The following PRELID3A variants were observed in gnomAD, a reference collection of about 807,000 sequenced individuals.
The protein encoded by PRELID3A is PRELI domain containing protein 3A.
In PRELID3A, 27 loss-of-function variants were observed where a neutral mutation model predicts 23.0. The observed-to-expected ratio is 1.17, with a 90% CI of 0.87 to 1.62. PRELID3A has a LOEUF of 1.62. Ranked by LOEUF, PRELID3A falls within the 40% of genes most tolerant of loss-of-function variation. PRELID3A has a pLI of 0.00. For missense variants in PRELID3A, 231 were observed against 231.4 expected (o/e 1.00, Z 0.01); for synonymous variants, 87 against 86.4 (o/e 1.01, Z -0.04).
chr18:12,429,890 T>A (rs1217081078), intron 6 of PRELID3A, among the ~76,000 whole-genome samples: 31 of 152,256 alleles, frequency 2.0e-4, no homozygotes, highest in Admixed American at 2.0e-3. Context: ...GCCGGCCATT[T>A]CCTTTTAGCA....
rs1205086353 is a variant in PRELID3A, at chr18:12,407,958, C to T, written c.-18C>T. The T allele has an allele frequency of 7.7e-7, 1 of 1,293,834 alleles. No homozygotes were observed. Among genetic ancestry groups the T allele is most frequent in the South Asian group, 2.5e-5 (1 of 40,078 alleles). 80.1% of individuals were successfully genotyped at this position (1,293,834 alleles called of 1,614,324 possible). ...CACCCGGCCCGGATCGCAGAGCCCG[C>T]GCCCTGCGCCGGCGGCAATGAAGAT... On this transcript the variant is annotated 5_prime_UTR_variant, in exon 1 of 7. Coordinates refer to ENST00000440960, the MANE Select transcript of PRELID3A (RefSeq NM_001142405.2).
At chr18:12,429,088 G>T (rs1479182044) in intron 5 of PRELID3A, among the ~76,000 whole-genome samples, 1 of 152,168 alleles carries the variant, frequency 6.6e-6, no homozygotes, top group East Asian at 1.9e-4. Flanking sequence ...GATTTGGGAG[G>T]TGAGGGACAG....
chr18:12,422,709 T>G (rs1221022116), intron 3 of PRELID3A, among the ~76,000 whole-genome samples: 1 of 152,128 alleles, frequency 6.6e-6, no homozygotes, highest in Non-Finnish European at 1.5e-5. Context: ...CTCACTTCTC[T>G]CAATTAAAAA....
At chr18:12,411,327 G>C (rs143914862) in intron 1 of PRELID3A, among the ~76,000 whole-genome samples, 10,687 of 151,560 alleles carry the variant, frequency 0.071, 1,257 homozygotes, top group African/African-American at 0.24. Flanking sequence ...TTAGCTGGGC[G>C]TGGTGGCGGG....
At chr18:12,417,253 A>G (rs2029990367) in intron 1 of PRELID3A, among the ~76,000 whole-genome samples, 2 of 152,018 alleles carry the variant, frequency 1.3e-5, no homozygotes, top group African/African-American at 2.4e-5. Context: ...GGCTCACTGC[A>G]ACTTCCACCT....
At chr18:12,414,330 T>A (rs2029883225) in intron 1 of PRELID3A, among the ~76,000 whole-genome samples, 1 of 152,238 alleles carries the variant, frequency 6.6e-6, no homozygotes, top group South Asian at 2.1e-4. Flanking sequence ...AGGACTGCGG[T>A]GACCACATGC....
Position 12,407,990 on chromosome 18 carries a change from C to T in PRELID3A, c.15C>T (p.Ser5=). MKIW[S]SEHVFGHPWD... is the part of the protein sequence containing the mutation. ...CGCCGGCGGCAATGAAGATCTGGAG[C>T]TCGGAGCACGTGTTTGGGTGAGGCC... Residue 5 remains serine (S), a synonymous_variant, in exon 1 of 7, where the codon AGC becomes AGT. Coordinates refer to ENST00000440960, the MANE Select transcript of PRELID3A (RefSeq NM_001142405.2). 7.7e-7 allele frequency: 1 copy of T among 1,300,048 alleles called. No individual in the cohort carries two copies. 80.5% of individuals were successfully genotyped at this position (1,300,048 alleles called of 1,614,324 possible).
In PRELID3A at chr18:12,407,938, G is replaced by A. The variant is rs762427691; in HGVS notation, c.-38G>A. Reference sequence around the variant, plus strand: ...CGGAGCCGCGCGGCCCGAAGCACCCGGCCCGGATCGCAGAGCCCGCGCCCT... The same window carrying A: ...CGGAGCCGCGCGGCCCGAAGCACCCAGCCCGGATCGCAGAGCCCGCGCCCT... On this transcript the variant is annotated 5_prime_UTR_variant, in exon 1 of 7. Transcript: ENST00000440960. 35 of 1,288,104 alleles carry A rather than the reference G, an allele frequency of 2.7e-5. No individual in the cohort carries two copies. Among genetic ancestry groups the A allele is most frequent in the Middle Eastern group, 5.9e-4 (2 of 3,378 alleles). 79.8% of individuals were successfully genotyped at this position (1,288,104 alleles called of 1,614,324 possible).
intron 3 of PRELID3A, among the ~76,000 whole-genome samples, chr18:12,423,162 C>T (rs1278641822): frequency 6.6e-6 from 1 of 152,044 alleles, no homozygotes; most frequent in African/African-American, 2.4e-5. Flanking sequence ...TAGAGAGCCA[C>T]AAACAGATGG....
At chr18:12,411,305 A>T (rs1362656681) in intron 1 of PRELID3A, among the ~76,000 whole-genome samples, 7 of 151,714 alleles carry the variant, frequency 4.6e-5, no homozygotes, top group Non-Finnish European at 1.0e-4. Flanking sequence ...AAAAAATAAA[A>T]AAAAAAAAAA....
intron 2 of PRELID3A, chr18:12,421,279 C>T: frequency 2.2e-6 from 1 of 458,156 alleles, no homozygotes; most frequent in Non-Finnish European, 3.9e-6. Context: ...CTCCTAGCTC[C>T]ACTGCCCGCA....
chr18:12,414,134 C>T (rs139780144), intron 1 of PRELID3A, among the ~76,000 whole-genome samples: 2 of 152,186 alleles, frequency 1.3e-5, no homozygotes, highest in Non-Finnish European at 2.9e-5. Flanking sequence ...GCCCCCCAGA[C>T]ACCCCAGAGT....
chr18:12,418,210 A>G (rs2030024917), intron 1 of PRELID3A, among the ~76,000 whole-genome samples: 3 of 152,234 alleles, frequency 2.0e-5, no homozygotes, highest in Non-Finnish European at 2.9e-5. Flanking sequence ...AGAATTAGAT[A>G]TGTTGAAAGA....
chr18:12,428,525 A>G (rs1001361381), intron 5 of PRELID3A, among the ~76,000 whole-genome samples: 2 of 151,966 alleles, frequency 1.3e-5, no homozygotes, highest in South Asian at 2.1e-4. Context: ...TCCCTTTCCA[A>G]TGTCCTTCCA....
chr18:12,418,916 C>T (rs918770452), intron 1 of PRELID3A, among the ~76,000 whole-genome samples: 4 of 152,044 alleles, frequency 2.6e-5, no homozygotes, highest in African/African-American at 7.2e-5. Context: ...AGGCTGAGTG[C>T]GGTGGCTCAT....
rs1057324815 is a variant in PRELID3A, at chr18:12,427,453, T to A, written c.465+130T>A. The A allele has an allele frequency of 4.1e-6, 3 of 737,026 alleles. No individual in the cohort carries two copies. In the African/African-American group the frequency reaches 5.3e-5, roughly 13 times the overall value. The allele number at this position is 737,026 out of a possible 1,614,324, so 45.7% of individuals were successfully genotyped here. On this transcript the variant is annotated intron_variant, in intron 5 of 6. Coordinates refer to ENST00000440960, the MANE Select transcript of PRELID3A (RefSeq NM_001142405.2). ...GGCTCATGTCTGTAATCCTAGCACT[T>A]TGGGAGGCCAACGCAGGTGGACCGC...
rs951114883 is a variant in PRELID3A at position 12,431,819 on chromosome 18, C to G, written c.*703C>G. On this transcript the variant is annotated 3_prime_UTR_variant, in exon 7 of 7. Coordinates refer to ENST00000440960, the MANE Select transcript of PRELID3A (RefSeq NM_001142405.2). ...CCAGCCCCCTCCAGTCTGCCACTGC[C>G]GTGCCCGGGGGACATCCTGCGCCCA... is the stretch of plus-strand genomic sequence containing the variant. 2 of 152,296 alleles carry G rather than the reference C, an allele frequency of 1.3e-5. No homozygotes were observed. The highest frequency in any genetic ancestry group is 4.8e-5 in the African/African-American group (2 of 41,464). The allele number at this position is 152,296 out of a possible 1,614,324, so 9.4% of individuals were successfully genotyped here. A position where few individuals can be genotyped will look rare whatever the true frequency, so the allele number is the denominator to read the frequency against.
chr18:12,408,066 C>A lies in PRELID3A; in HGVS notation c.32+59C>A, dbSNP rs936705086. 8.7e-5 allele frequency: 107 copies of A among 1,229,240 alleles called. No individual in the cohort carries two copies. The African/African-American group carries it at 1.3e-3, about 15-fold the overall frequency. The allele number at this position is 1,229,240 out of a possible 1,614,324, so 76.1% of individuals were successfully genotyped here. ...CCAGACGCCGGCTCCTGCTCCCGAG[C>A]CCGGCTGGAGCGGTCCAGGAAAGGC... On this transcript the variant is annotated intron_variant, in intron 1 of 6. Transcript: ENST00000440960.
chr18:12,418,792 G>A (rs1378543084), intron 1 of PRELID3A, among the ~76,000 whole-genome samples: 1 of 152,044 alleles, frequency 6.6e-6, no homozygotes, highest in Non-Finnish European at 1.5e-5. Context: ...CCCTCACTTG[G>A]CTCCCTTCAG....
Sources: gnomAD v4.1 joint callset for allele counts (sites outside exome capture counted in the v4.1 genomes callset) on GRCh38, gnomAD v4.1.1 for gene constraint, MANE v1.5 for transcripts, NCBI Gene and HGNC (gene_info 2026-07-23, HGNC 2026-07-21) for gene names.